MYOM3: variants seen among roughly 807,000 people sequenced by gnomAD.
MYOM3 encodes the protein myomesin 3, also known as myomesin-3.
Under a neutral mutation model 191.7 loss-of-function variants are expected in MYOM3, and 155 were observed. That is an observed-to-expected ratio of 0.81 (90% CI 0.71 to 0.92). MYOM3 has a LOEUF of 0.92. Among genes scored for constraint, MYOM3 ranks in the 40% least tolerant of loss-of-function variants. The pLI, the probability that MYOM3 is intolerant of heterozygous loss-of-function variation, is 0.00. For missense variants in MYOM3, 1,889 were observed against 1,890.6 expected, an observed-to-expected ratio of 1.00 and a Z score of 0.02; for synonymous variants, 757 against 762.9, an observed-to-expected ratio of 0.99 and a Z score of 0.13.
intron 23 of MYOM3, among the ~76,000 whole-genome samples, chr1:24,073,392 T>C (rs1643554152): frequency 1.3e-5 from 2 of 152,216 alleles, no homozygotes; most frequent in East Asian, 1.9e-4. Context: ...TTATCAAATA[T>C]GGATGGTCCT....
rs999255896 is a variant in MYOM3, at chr1:24,107,935, G to A, written c.242+58C>T. 6.2e-6 allele frequency: 9 copies of A among 1,447,020 alleles called. No individual in the cohort carries two copies. The Admixed American group carries it at 1.4e-4, about 22-fold the overall frequency. The allele number at this position is 1,447,020 out of a possible 1,614,324, so 89.6% of individuals were successfully genotyped here. The stretch of plus-strand genomic sequence containing the variant: ...GTGAAAGGCCAGCAGGGAGGCCGGG[G>A]ACTGGACAGGATGGCCCCTCCTCAG... On this transcript the variant is annotated intron_variant, in intron 3 of 36. Transcript: ENST00000374434.
intron 20 of MYOM3, among the ~76,000 whole-genome samples, chr1:24,079,662 A>G (rs1247658517): frequency 6.6e-6 from 1 of 152,212 alleles, no homozygotes; most frequent in African/African-American, 2.4e-5. Context: ...ACAAGGCTAC[A>G]AGAAGCATCC....
chr1:24,086,500 G>A (rs932057206), intron 15 of MYOM3, 144 bp downstream of exon 15: 4 of 787,252 alleles, frequency 5.1e-6, no homozygotes, highest in Admixed American at 5.8e-5. Flanking sequence ...AACTCCCCAG[G>A]CCTGAGATCA....
At chr1:24,074,489 G>A (rs1171788021) in intron 22 of MYOM3, among the ~76,000 whole-genome samples, 1 of 152,132 alleles carries the variant, frequency 6.6e-6, no homozygotes, top group Non-Finnish European at 1.5e-5. Flanking sequence ...TCTGGCACTG[G>A]GTCTGCACTG....
At position 24,086,766 on chromosome 1, in the gene MYOM3, C is replaced by T; in HGVS notation, c.1676G>A (p.Arg559Lys). 6.2e-7 allele frequency: 1 copy of T among 1,614,212 alleles called. No homozygotes were observed. Among genetic ancestry groups the T allele is most frequent in the Admixed American group, 1.7e-5 (1 of 60,026 alleles). The change falls in exon 15 of 37, where the codon AGA becomes AAA. Residue 559 changes from arginine (R) to lysine (K), a missense_variant. Coordinates refer to ENST00000374434, the MANE Select transcript of MYOM3 (RefSeq NM_152372.4). ...ISSESPVRSP[R>K]FAVLDLEKKK... is the part of the protein sequence containing the mutation. ...TTTCTCCAGGTCCAGAACGGCGAAT[C>T]TCGGGGATCTCACAGGGCTTTCCGA...
intron 29 of MYOM3, among the ~76,000 whole-genome samples, chr1:24,065,530 G>A (rs1278879369): frequency 6.6e-6 from 1 of 152,112 alleles, no homozygotes; most frequent in Non-Finnish European, 1.5e-5. Context: ...CTTCCAACCC[G>A]CTCATGTTGC....
rs757243114 is a variant in MYOM3, at chr1:24,109,350, G to C, written c.-18-696C>G. On this transcript the variant is annotated intron_variant, in intron 1 of 36. Coordinates refer to ENST00000374434, the MANE Select transcript of MYOM3 (RefSeq NM_152372.4). ...TAAAATGGGTCTACTAACCTCCCAG[G>C]GTAGTTGTGAAGGTTAGATGAGTGC... Among the ~76,000 whole-genome samples, 3 of 152,118 alleles carry C rather than the reference G, an allele frequency of 2.0e-5. No individual in the cohort carries two copies. In the East Asian group the frequency reaches 5.8e-4, roughly 29 times the overall value.
At position 24,066,541 on chromosome 1, in the gene MYOM3, A is replaced by C; in HGVS notation, c.3423+480T>G. 2.3e-5 allele frequency: 10 copies of C among 429,338 alleles called. No individual in the cohort carries two copies. The South Asian group carries it at 2.9e-4, about 12-fold the overall frequency. The allele number at this position is 429,338 out of a possible 1,614,324, so 26.6% of individuals were successfully genotyped here. ...GAAGGACCTTAGGCTTTGGAATCAG[A>C]TAGACTTGTTCAAACCTGGGCTCTC... On this transcript the variant is annotated intron_variant, in intron 28 of 36. Transcript: ENST00000374434.
At chr1:24,106,500 A>G (rs1339669187) in intron 4 of MYOM3, among the ~76,000 whole-genome samples, 1 of 152,166 alleles carries the variant, frequency 6.6e-6, no homozygotes, top group East Asian at 1.9e-4. Flanking sequence ...AGGCAATGGG[A>G]AAGTCACTTT....
chr1:24,061,533 T>A (rs1043151397), intron 33 of MYOM3, among the ~76,000 whole-genome samples: 9 of 152,152 alleles, frequency 5.9e-5, no homozygotes, highest in Non-Finnish European at 8.8e-5. Context: ...TAAAAATTTT[T>A]TAAAAATATT....
In MYOM3 at chr1:24,093,051, G is replaced by A. The variant is rs758860093; in HGVS notation, c.986C>T (p.Ser329Phe). The change falls in exon 10 of 37, where the codon TCC (serine) becomes TTC (phenylalanine). Residue 329 changes from serine to phenylalanine, a missense_variant. By Grantham distance (155) the Ser-to-Phe change is radical (BLOSUM62 -2). Transcript: ENST00000374434. The stretch of plus-strand genomic sequence containing the variant: ...CTTGTAGGTGCAGGACACCTTCAGG[G>A]ATGCCTGGCGGTCTGTGTAGAGGAT... ...RKILYTDRQA[S>F]LKVSCTYKED... 5 of 1,613,052 alleles carry A rather than the reference G, an allele frequency of 3.1e-6. No individual in the cohort carries two copies. The African/African-American group carries it at 4.0e-5, about 13-fold the overall frequency.
chr1:24,062,041 A>G lies in MYOM3; in HGVS notation c.3839T>C (p.Ile1280Thr). The change falls in exon 33 of 37, where the codon ATC becomes ACC. Residue 1280 changes from isoleucine (I) to threonine (T), a missense_variant. Coordinates refer to ENST00000374434, the MANE Select transcript of MYOM3 (RefSeq NM_152372.4). ...GTTLDEIWLH[I>T]LDPKDSDKGK... ...CTTGTCTGAGTCTTTGGGGTCCAGG[A>G]TGTGAAGCCAGATCTCATCCAGGGT... 1 of 1,614,120 alleles carries G rather than the reference A, an allele frequency of 6.2e-7. No homozygotes were observed. Among genetic ancestry groups the G allele is most frequent in the Non-Finnish European group, 8.5e-7 (1 of 1,180,022 alleles).
intron 20 of MYOM3, among the ~76,000 whole-genome samples, chr1:24,078,470 G>A (rs557662658): frequency 8.3e-4 from 126 of 152,284 alleles, no homozygotes; most frequent in African/African-American, 3.0e-3. Flanking sequence ...AACAGGACAT[G>A]CACCGTATCC....
In MYOM3 at chr1:24,057,348, G is replaced by C. The variant is rs1434374868; in HGVS notation, c.*16C>G. 2 of 1,609,236 alleles carry C rather than the reference G, an allele frequency of 1.2e-6. No homozygotes were observed. The highest frequency in any genetic ancestry group is 8.5e-7 in the Non-Finnish European group (1 of 1,177,864). On this transcript the variant is annotated 3_prime_UTR_variant, in exon 37 of 37. Coordinates refer to ENST00000374434, the MANE Select transcript of MYOM3 (RefSeq NM_152372.4). ...TCCATGTAGACTAGACTCAGACTGT[G>C]CCTGGACACACGCTGTCACATGCTC...
Position 24,076,387 on chromosome 1 carries a change from C to T in MYOM3, c.2587-114G>A, listed in dbSNP as rs1643599759. The T allele has an allele frequency of 1.3e-5, 9 of 705,596 alleles. No homozygotes were observed. In the East Asian group the frequency reaches 2.4e-4, roughly 19 times the overall value. 43.7% of individuals were successfully genotyped at this position (705,596 alleles called of 1,614,324 possible). A position where few individuals can be genotyped will look rare whatever the true frequency, so the allele number is the denominator to read the frequency against. Reference sequence around the variant, plus strand: ...AAGAAAACCCTCTCCCTTCTTGTGTCCCTCATCTTTCCATGTGACAAAGAT... The same window carrying T: ...AAGAAAACCCTCTCCCTTCTTGTGTTCCTCATCTTTCCATGTGACAAAGAT... On this transcript the variant is annotated intron_variant, in intron 20 of 36. Transcript: ENST00000374434.
In MYOM3 at chr1:24,081,944, C is replaced by T. The variant is rs906927499; in HGVS notation, c.2280+57G>A. On this transcript the variant is annotated intron_variant, in intron 18 of 36. Coordinates refer to ENST00000374434, the MANE Select transcript of MYOM3 (RefSeq NM_152372.4). ...TCAGACTCCAAGACTCAAGCAGTGC[C>T]CTCTGGTCGCTGCTAAACAAGTCAT... 7 of 1,507,794 alleles carry T rather than the reference C, an allele frequency of 4.6e-6. No individual in the cohort carries two copies. The Admixed American group carries it at 7.5e-5, about 16-fold the overall frequency. The allele number at this position is 1,507,794 out of a possible 1,614,324, so 93.4% of individuals were successfully genotyped here.
chr1:24,089,386 C>T, intron 14 of MYOM3, 152 bp downstream of exon 14: 3 of 967,562 alleles, frequency 3.1e-6, no homozygotes, highest in Non-Finnish European at 4.2e-6. Flanking sequence ...TTCAATCCAT[C>T]CCCTTGCCTC....
intron 4 of MYOM3, 45 bp downstream of exon 4, chr1:24,107,028 C>T (rs770558004): frequency 7.1e-6 from 11 of 1,538,908 alleles, no homozygotes; most frequent in Admixed American, 1.9e-5. Flanking sequence ...GCAAGTGGTG[C>T]GTCGCAGGTC....
At position 24,105,044 on chromosome 1, in the gene MYOM3, C is replaced by T. The variant is rs58517225; in HGVS notation, c.560+876G>A. Among the ~76,000 whole-genome samples, 1,000 of 152,322 alleles carry T rather than the reference C, an allele frequency of 6.6e-3. 13 individuals are homozygous for T. The highest frequency in any genetic ancestry group is 0.023 in the African/African-American group (968 of 41,550). ...GAGACCTGGGCCGCGGCCATGCCTA[C>T]TCCAATGTGTGCCTGTGCAGGAGAC... On this transcript the variant is annotated intron_variant, in intron 5 of 36. Coordinates refer to ENST00000374434, the MANE Select transcript of MYOM3 (RefSeq NM_152372.4).
Sources: allele counts gnomAD v4.1 joint callset (sites outside exome capture counted in the v4.1 genomes callset), GRCh38; gene constraint gnomAD v4.1.1; transcripts MANE v1.5; gene names NCBI Gene and HGNC (gene_info 2026-07-23, HGNC 2026-07-21).